TNRC6A: variants seen among roughly 807,000 people sequenced by gnomAD.
TNRC6A encodes trinucleotide repeat-containing gene 6A protein.
TNRC6A carries 44 observed loss-of-function variants against 221.2 expected under a neutral mutation model. The observed-to-expected ratio is 0.20, with a 90% CI of 0.16 to 0.26. The LOEUF (loss-of-function observed/expected upper bound fraction) is 0.26. TNRC6A is among the 10% of genes least tolerant of loss of function. TNRC6A has a pLI of 1.00. For missense variants in TNRC6A, 2,199 were observed against 2,404.4 expected (o/e 0.91, Z 1.79); for synonymous variants, 847 against 838.5 (o/e 1.01, Z -0.18).
chr16:24,766,674 C>CT (rs397972605), intron 4 of TNRC6A, among the ~76,000 whole-genome samples: 5,211 of 121,358 alleles, frequency 0.043, 317 homozygotes, highest in African/African-American at 0.11. Context: ...TTCTTTTTAT[C>CT]TTTTTTTTTT....
chr16:24,794,527 C>G lies in TNRC6A; in HGVS notation c.3353-17C>G, dbSNP rs767506044. ...TATTAAAGTATGTTTCTCTTTATAT[C>G]ACAAATCCACAATCAGGGCCAAAAT... On this transcript the variant is annotated splice_polypyrimidine_tract_variant and intron_variant, in intron 7 of 24. Transcript: ENST00000395799. The G allele has an allele frequency of 1.3e-5, 20 of 1,599,860 alleles. No homozygotes were observed. The highest frequency in any genetic ancestry group is 1.1e-5 in the South Asian group (1 of 87,894).
At chr16:24,684,379 C>T (rs2055587653) in intron 2 of TNRC6A, among the ~76,000 whole-genome samples, 1 of 152,080 alleles carries the variant, frequency 6.6e-6, no homozygotes, top group African/African-American at 2.4e-5. Flanking sequence ...GCATTCCAGC[C>T]TGGGCAACAG....
intron 1 of TNRC6A, among the ~76,000 whole-genome samples, chr16:24,611,226 G>A (rs993339325): frequency 6.6e-6 from 1 of 151,880 alleles, no homozygotes; most frequent in Non-Finnish European, 1.5e-5. Flanking sequence ...CTAGATTTTT[G>A]TCCTTTCTGG....
intron 2 of TNRC6A, among the ~76,000 whole-genome samples, chr16:24,681,561 G>T (rs574689518): frequency 2.0e-5 from 3 of 151,990 alleles, no homozygotes; most frequent in Non-Finnish European, 2.9e-5. Flanking sequence ...AATATATTGT[G>T]GACATATTTT....
intron 4 of TNRC6A, among the ~76,000 whole-genome samples, chr16:24,763,077 T>C (rs1337697409): frequency 6.6e-6 from 1 of 152,202 alleles, no homozygotes; most frequent in East Asian, 1.9e-4. Context: ...TTAAATTGTT[T>C]ATTACATCTT....
intron 2 of TNRC6A, among the ~76,000 whole-genome samples, chr16:24,695,198 G>A (rs1286380152): frequency 4.6e-5 from 7 of 152,058 alleles, no homozygotes; most frequent in African/African-American, 1.7e-4. Flanking sequence ...CGAAACTCTG[G>A]GGAGTGAGGT....
chr16:24,771,105 T>C (rs978600282), intron 4 of TNRC6A, among the ~76,000 whole-genome samples: 2 of 152,268 alleles, frequency 1.3e-5, no homozygotes, highest in Non-Finnish European at 2.9e-5. Flanking sequence ...AACAGTGCCA[T>C]GCTTCTCACT....
intron 4 of TNRC6A, among the ~76,000 whole-genome samples, chr16:24,760,460 G>A (rs1299536013): frequency 1.3e-5 from 2 of 152,160 alleles, no homozygotes; most frequent in Non-Finnish European, 2.9e-5. Flanking sequence ...CCACGACTCT[G>A]TAGATGATAG....
chr16:24,689,756 A>C (rs2142117308), intron 2 of TNRC6A, among the ~76,000 whole-genome samples: 1 of 152,110 alleles, frequency 6.6e-6, no homozygotes, highest in South Asian at 2.1e-4. Context: ...ACATGCTATG[A>C]GAAAAAAAAA....
At chr16:24,707,364 ACACACAC>A in intron 2 of TNRC6A, among the ~76,000 whole-genome samples, 1 of 151,892 alleles carries the variant, frequency 6.6e-6, no homozygotes, top group South Asian at 2.1e-4. Flanking sequence ...ACACACACAC[ACACACAC>A]ACACACACAT....
chr16:24,669,239 T>C lies in TNRC6A; in HGVS notation n.402+28230T>C, dbSNP rs1239799750. Among the ~76,000 whole-genome samples, 8 of 152,216 alleles carry C rather than the reference T, an allele frequency of 5.3e-5. No homozygotes were observed. In the East Asian group the frequency reaches 1.5e-3, roughly 29 times the overall value. ...AAAAATCCTGGCGGGGCATTCACAC[T>C]TATAATCCCAGCAGTTTGGGAGACT... On this transcript the variant is annotated intron_variant and non_coding_transcript_variant, in intron 2 of 2. Coordinates refer to the TNRC6A transcript ENST00000566108.
chr16:24,674,694 C>CCACACACACA (rs3219528), intron 2 of TNRC6A, among the ~76,000 whole-genome samples: 3 of 146,166 alleles, frequency 2.1e-5, no homozygotes, highest in Admixed American at 6.9e-5. Context: ...ACTGCCCCCA[C>CCACACACACA]CACACACACA....
At chr16:24,754,466 TC>T (rs1240256323) in intron 3 of TNRC6A, among the ~76,000 whole-genome samples, 4 of 152,188 alleles carry the variant, frequency 2.6e-5, no homozygotes, top group African/African-American at 9.7e-5. Context: ...TGTATAACAC[TC>T]TTTTCTGTTT....
At chr16:24,648,662 G>A (rs75254359) in intron 2 of TNRC6A, among the ~76,000 whole-genome samples, 2,293 of 152,210 alleles carry the variant, frequency 0.015, 29 homozygotes, top group Non-Finnish European at 0.022. Flanking sequence ...TTCCTGTGCC[G>A]TTTTGTTTTG....
intron 2 of TNRC6A, among the ~76,000 whole-genome samples, chr16:24,671,673 GT>G (rs1567343079): frequency 6.6e-6 from 1 of 152,150 alleles, no homozygotes; most frequent in African/African-American, 2.4e-5. Context: ...AATCCAAAAT[GT>G]GAGATGTTTC....
chr16:24,789,762 G>C lies in TNRC6A; in HGVS notation c.1120G>C (p.Glu374Gln). The C allele has an allele frequency of 6.2e-7, 1 of 1,614,210 alleles. No homozygotes were observed. The highest frequency in any genetic ancestry group is 1.1e-5 in the South Asian group (1 of 91,082). ...ASNHGAWPVL[E>Q]NNGLALKGPV... is the part of the protein sequence containing the mutation. ...CAACCATGGTGCCTGGCCAGTATTA[G>C]AGAACAATGGACTTGCCCTAAAAGG... Residue 374 changes from glutamate (E) to glutamine (Q), a missense_variant, in exon 6 of 25, where the codon GAG becomes CAG. By Grantham distance (29) the Glu-to-Gln change is conservative. Around this residue, in one of 8 missense-constraint regions of TNRC6A, gnomAD observed 1,405 missense variants for 1,400.2 expected, o/e 1.00. Transcript: ENST00000395799.
intron 2 of TNRC6A, among the ~76,000 whole-genome samples, chr16:24,641,539 G>C (rs910851537): frequency 2.0e-5 from 3 of 152,164 alleles, no homozygotes; most frequent in African/African-American, 7.2e-5. Flanking sequence ...GGAAAAGCTA[G>C]AGTAGAAATG....
chr16:24,632,191 T>C (rs1901382203), intron 1 of TNRC6A, among the ~76,000 whole-genome samples: 1 of 152,176 alleles, frequency 6.6e-6, no homozygotes. Context: ...AAATATCATC[T>C]ACAAGCTGAC....
Position 24,750,830 on chromosome 16 carries a change from C to A in TNRC6A, c.141+17C>A. 2 of 1,492,000 alleles carry A rather than the reference C, an allele frequency of 1.3e-6. No homozygotes were observed. The highest frequency in any genetic ancestry group is 1.8e-6 in the Non-Finnish European group (2 of 1,123,958). The allele number at this position is 1,492,000 out of a possible 1,614,324, so 92.4% of individuals were successfully genotyped here. On this transcript the variant is annotated intron_variant, in intron 3 of 24. Coordinates refer to ENST00000395799, the MANE Select transcript of TNRC6A (RefSeq NM_014494.4). ...CAAAAGAAGGTAGTATGTGTGTAAA[C>A]TATTTATATTAAGCAGTTTAAACAT... is the stretch of plus-strand genomic sequence containing the variant.
Sources: allele counts gnomAD v4.1 joint callset (sites outside exome capture counted in the v4.1 genomes callset), GRCh38; gene constraint gnomAD v4.1.1; regional missense constraint gnomAD v4.1.1; transcripts MANE v1.5; gene names NCBI Gene and HGNC (gene_info 2026-07-23, HGNC 2026-07-21).